ABCC1: variants seen among roughly 807,000 people sequenced by gnomAD.
ABCC1 encodes ATP binding cassette subfamily C member 1 (ABCC1 blood group), also known as multidrug resistance-associated protein 1.
A neutral mutation model predicts 172.9 loss-of-function variants in ABCC1; 83 were observed. That is an observed-to-expected ratio of 0.48 (90% confidence interval 0.40 to 0.58). The LOEUF is 0.58. Ranked by LOEUF, ABCC1 falls within the 20% of genes least tolerant of loss-of-function variation. The pLI is 0.00. For synonymous variants in ABCC1, 937 were observed against 825.2 expected (o/e 1.14, Z -2.32); for missense variants, 1,817 against 2,002.7 (o/e 0.91, Z 1.77).
rs368329174 is a variant in ABCC1 at position 16,076,354 on chromosome 16, G to T, written c.1941G>T (p.Arg647Ser). The change falls in exon 15 of 31, where the codon AGG becomes AGT. Residue 647 changes from arginine to serine, a missense_variant. By Grantham distance (110) the Arg-to-Ser change is moderately radical. This residue lies in a region of ABCC1 where 1,412 missense variants were observed against 1,600.3 expected (regional missense o/e 0.88). Transcript: ENST00000399410. Reference protein sequence around the residue: ...DGGGTNSITVRNATFTWARSD... With the variant: ...DGGGTNSITVSNATFTWARSD... ...GGGGCACGAACAGCATCACCGTGAG[G>T]AATGCCACATTCACCTGGGCCAGGA... The T allele has an allele frequency of 9.3e-6, 15 of 1,612,088 alleles. No individual in the cohort carries two copies. Among genetic ancestry groups the T allele is most frequent in the African/African-American group, 1.3e-5 (1 of 74,872 alleles).
At chr16:16,132,020 C>A (rs2045696382) in intron 27 of ABCC1, 85 bp downstream of exon 27, 9 of 1,519,048 alleles carry the variant, frequency 5.9e-6, no homozygotes, top group Non-Finnish European at 8.1e-6. Flanking sequence ...TGCAGCGTCT[C>A]CCCAGTCACT....
intron 21 of ABCC1, among the ~76,000 whole-genome samples, chr16:16,107,481 G>C (rs1440934611): frequency 6.6e-6 from 1 of 152,030 alleles, no homozygotes; most frequent in Non-Finnish European, 1.5e-5. Flanking sequence ...GTAGAGACAG[G>C]GTTTCACCAT....
intron 24 of ABCC1, among the ~76,000 whole-genome samples, chr16:16,123,809 C>G (rs2045277126): frequency 6.6e-6 from 1 of 152,128 alleles, no homozygotes; most frequent in Admixed American, 6.5e-5. Context: ...CCCAGCAGTT[C>G]GAGACCAGCC....
intron 12 of ABCC1, 119 bp from the exon 13 acceptor site, chr16:16,068,037 G>GC: frequency 8.7e-7 from 1 of 1,152,260 alleles, no homozygotes; most frequent in East Asian, 2.4e-5. Flanking sequence ...AGCTCCAGCA[G>GC]CTGGTCAGTT....
chr16:15,993,955 G>A (rs1338360775), intron 1 of ABCC1, among the ~76,000 whole-genome samples: 1 of 152,138 alleles, frequency 6.6e-6, no homozygotes, highest in Non-Finnish European at 1.5e-5. Context: ...TTCTGGCTGG[G>A]CATGGTGGCT....
At chr16:16,045,784 C>A in intron 8 of ABCC1, 52 bp from the exon 9 acceptor site, 1 of 1,578,326 alleles carries the variant, frequency 6.3e-7, no homozygotes, top group Non-Finnish European at 8.7e-7. Context: ...GCTCTCTTCC[C>A]TGCCCCCACG....
chr16:16,022,357 G>C (rs1035500472), intron 5 of ABCC1, among the ~76,000 whole-genome samples: 1 of 152,184 alleles, frequency 6.6e-6, no homozygotes, highest in Admixed American at 6.5e-5. Context: ...AGCCTGGGCA[G>C]GGCTGACCAA....
At chr16:16,091,568 A>G (rs1567393606) in intron 19 of ABCC1, among the ~76,000 whole-genome samples, 1 of 152,194 alleles carries the variant, frequency 6.6e-6, no homozygotes, top group African/African-American at 2.4e-5. Flanking sequence ...AGGAGCCAGC[A>G]GGGAGAAGAT....
chr16:15,957,633 G>GT (rs1311788441), intron 1 of ABCC1, among the ~76,000 whole-genome samples: 1 of 152,044 alleles, frequency 6.6e-6, no homozygotes, highest in Non-Finnish European at 1.5e-5. Context: ...GTCTTGCTCT[G>GT]TTGCCAGGCT....
intron 5 of ABCC1, among the ~76,000 whole-genome samples, chr16:16,017,996 C>T (rs1006623860): frequency 6.6e-6 from 1 of 152,034 alleles, no homozygotes; most frequent in African/African-American, 2.4e-5. Flanking sequence ...TGGGACAGCC[C>T]CCTTGTGAGC....
chr16:15,952,716 T>TAAAA (rs57105111), intron 1 of ABCC1, among the ~76,000 whole-genome samples: 1 of 40,266 alleles, frequency 2.5e-5, no homozygotes, highest in African/African-American at 1.3e-4. Flanking sequence ...GTGAGTTCAT[T>TAAAA]AAAAAAAAAA....
intron 26 of ABCC1, among the ~76,000 whole-genome samples, chr16:16,129,839 G>T (rs549508230): frequency 6.6e-6 from 1 of 152,086 alleles, no homozygotes; most frequent in Non-Finnish European, 1.5e-5. Flanking sequence ...CGCCGGCAAC[G>T]CTGTGATTTT....
intron 13 of ABCC1, among the ~76,000 whole-genome samples, chr16:16,070,509 A>C (rs942477233): frequency 2.6e-5 from 4 of 151,802 alleles, no homozygotes; most frequent in Non-Finnish European, 5.9e-5. Flanking sequence ...CTAAAAATAT[A>C]AAAAAATTAG....
intron 1 of ABCC1, among the ~76,000 whole-genome samples, chr16:15,991,096 C>T (rs1032995403): frequency 5.3e-5 from 8 of 152,174 alleles, no homozygotes; most frequent in Admixed American, 2.6e-4. Context: ...CCAGTGAACA[C>T]GGGAGTGCAG....
intron 1 of ABCC1, among the ~76,000 whole-genome samples, chr16:15,965,572 A>C (rs776719925): frequency 4.6e-5 from 7 of 151,340 alleles, no homozygotes; most frequent in Non-Finnish European, 7.4e-5. Flanking sequence ...GATTACAGGC[A>C]TGAGCCACTG....
chr16:16,006,877 CGGTGATGGTGGT>C (rs1458953962), intron 1 of ABCC1, among the ~76,000 whole-genome samples: 1 of 149,392 alleles, frequency 6.7e-6, no homozygotes, highest in Non-Finnish European at 1.5e-5. Flanking sequence ...GTGGCGGTGG[CGGTGATGGTGGT>C]GGTGATGGTG....
intron 20 of ABCC1, among the ~76,000 whole-genome samples, 155 bp downstream of exon 20, chr16:16,102,872 G>A (rs1049759906): frequency 6.6e-6 from 1 of 152,140 alleles, no homozygotes; most frequent in Non-Finnish European, 1.5e-5. Flanking sequence ...GCTTTTCAGA[G>A]TACAGAGGCC....
intron 10 of ABCC1, among the ~76,000 whole-genome samples, chr16:16,048,844 G>A (rs900146365): frequency 7.9e-5 from 12 of 152,162 alleles, no homozygotes; most frequent in East Asian, 5.8e-4. Context: ...TGAGCTGGGC[G>A]TGGTGGTGTA....
At position 16,083,627 on chromosome 16, in the gene ABCC1, T is replaced by C. The variant is rs570817689; in HGVS notation, c.2292+85T>C. The stretch of plus-strand genomic sequence containing the variant: ...TCTCACAATCTCAGTGGGCTGTGAG[T>C]CTGCTGCTATCAGCTGACCCGGCAG... On this transcript the variant is annotated intron_variant, in intron 17 of 30. Coordinates refer to ENST00000399410, the MANE Select transcript of ABCC1 (RefSeq NM_004996.4). 91 of 1,517,278 alleles carry C rather than the reference T, an allele frequency of 6.0e-5. No individual in the cohort carries two copies. The South Asian group carries it at 9.0e-4, about 15-fold the overall frequency. 94.0% of individuals were successfully genotyped at this position (1,517,278 alleles called of 1,614,324 possible).
Sources: gnomAD v4.1 joint callset for allele counts (sites outside exome capture counted in the v4.1 genomes callset) on GRCh38, gnomAD v4.1.1 for gene constraint, gnomAD v4.1.1 regional missense constraint, MANE v1.5 for transcripts, NCBI Gene and HGNC (gene_info 2026-07-23, HGNC 2026-07-21) for gene names.